The following PAX3 variants were observed in gnomAD, a reference collection of about 807,000 sequenced individuals.
PAX3 encodes paired box 3.
A neutral mutation model predicts 51.6 loss-of-function variants in PAX3; 14 were observed. The observed-to-expected ratio is 0.27, with a 90% confidence interval of 0.18 to 0.42. The LOEUF (loss-of-function observed/expected upper bound fraction) is 0.42. Among genes scored for constraint, PAX3 ranks in the 10% least tolerant of loss-of-function variants. The pLI is 1.00. For missense variants in PAX3, 540 were observed against 642.8 expected (o/e 0.84, Z 1.73); for synonymous variants, 280 against 253.4 (o/e 1.11, Z -1.00).
At chr2:222,223,834 T>G (rs1394809124) in intron 5 of PAX3, among the ~76,000 whole-genome samples, 1 of 152,164 alleles carries the variant, frequency 6.6e-6, no homozygotes, top group Non-Finnish European at 1.5e-5. Flanking sequence ...AAAGGTACGC[T>G]TCGGTTTTTG....
At chr2:222,274,934 G>T (rs1402544054) in intron 4 of PAX3, among the ~76,000 whole-genome samples, 2 of 152,138 alleles carry the variant, frequency 1.3e-5, no homozygotes, top group Non-Finnish European at 2.9e-5. Flanking sequence ...AGTCAGTTTT[G>T]TCTGTGGATA....
At chr2:222,232,026 G>C in intron 5 of PAX3, 52 bp downstream of exon 5, 6 of 1,534,120 alleles carry the variant, frequency 3.9e-6, no homozygotes, top group Non-Finnish European at 5.4e-6. Flanking sequence ...GAAGATGCTT[G>C]TTTGTTTCCT....
At chr2:222,294,053 C>T (rs1314114716) in intron 4 of PAX3, 114 bp downstream of exon 4, 11 of 1,574,840 alleles carry the variant, frequency 7.0e-6, no homozygotes, top group Non-Finnish European at 9.5e-6. Context: ...AGACACCGCG[C>T]ATGAAGGGAC....
At chr2:222,289,824 T>C (rs980508154) in intron 4 of PAX3, among the ~76,000 whole-genome samples, 2 of 152,174 alleles carry the variant, frequency 1.3e-5, no homozygotes, top group Non-Finnish European at 2.9e-5. Flanking sequence ...TTCTGATACT[T>C]CCAATATTTT....
Position 222,298,686 on chromosome 2 carries a change from G to C in PAX3, c.-71C>G. 1 of 1,419,370 alleles carries C rather than the reference G, an allele frequency of 7.0e-7. No individual in the cohort carries two copies. The highest frequency in any genetic ancestry group is 9.7e-7 in the Non-Finnish European group (1 of 1,027,816). 87.9% of individuals were successfully genotyped at this position (1,419,370 alleles called of 1,614,324 possible). A position where few individuals can be genotyped will look rare whatever the true frequency, so the allele number is the denominator to read the frequency against. Reference sequence around the variant, plus strand: ...ACGGAAAGGCGAGTGCGGCGCGGATGACCCTCGGGAACTATCCGGAGCGTG... The same window carrying C: ...ACGGAAAGGCGAGTGCGGCGCGGATCACCCTCGGGAACTATCCGGAGCGTG... On this transcript the variant is annotated 5_prime_UTR_variant, in exon 1 of 9. Transcript: ENST00000392070.
chr2:222,249,431 G>A (rs371681755), intron 4 of PAX3, among the ~76,000 whole-genome samples: 1 of 152,068 alleles, frequency 6.6e-6, no homozygotes, highest in South Asian at 2.1e-4. Flanking sequence ...CCTTAGGAAA[G>A]GTTTACTCTT....
intron 4 of PAX3, among the ~76,000 whole-genome samples, chr2:222,280,062 T>C (rs1694583125): frequency 6.6e-6 from 1 of 151,956 alleles, no homozygotes; most frequent in Admixed American, 6.6e-5. Context: ...AATACAAAAA[T>C]TAGCCAGACG....
chr2:222,236,600 G>A (rs948290077), intron 4 of PAX3, among the ~76,000 whole-genome samples: 4 of 152,086 alleles, frequency 2.6e-5, no homozygotes, highest in Non-Finnish European at 4.4e-5. Flanking sequence ...TTAATAGAAA[G>A]AAATTATATC....
At chr2:222,295,465 C>CGACGT (rs1366584526) in intron 3 of PAX3, 63 bp downstream of exon 3, 3 of 1,582,918 alleles carry the variant, frequency 1.9e-6, no homozygotes, top group Non-Finnish European at 2.6e-6. Context: ...ACGTCTGGGT[C>CGACGT]GACGTGCCGG....
intron 7 of PAX3, among the ~76,000 whole-genome samples, chr2:222,210,773 A>G (rs371695874): frequency 9.2e-5 from 14 of 152,264 alleles, no homozygotes; most frequent in African/African-American, 3.1e-4. Context: ...AAATACTCCA[A>G]TTTACCAACA....
chr2:222,211,828 T>C (rs558522286), intron 7 of PAX3, among the ~76,000 whole-genome samples: 1 of 152,194 alleles, frequency 6.6e-6, no homozygotes, highest in Non-Finnish European at 1.5e-5. Flanking sequence ...TAGGCTAATG[T>C]GCACTCGTAC....
At chr2:222,283,014 T>C (rs1470958839) in intron 4 of PAX3, among the ~76,000 whole-genome samples, 2 of 152,192 alleles carry the variant, frequency 1.3e-5, no homozygotes, top group African/African-American at 2.4e-5. Flanking sequence ...TCCCCACCAT[T>C]TGGTCTCAAT....
At chr2:222,237,523 C>T (rs898376690) in intron 4 of PAX3, among the ~76,000 whole-genome samples, 1 of 152,116 alleles carries the variant, frequency 6.6e-6, no homozygotes, top group Non-Finnish European at 1.5e-5. Context: ...TATTATACAC[C>T]AATCCAAACG....
intron 4 of PAX3, among the ~76,000 whole-genome samples, chr2:222,277,751 T>G (rs1254828970): frequency 6.6e-6 from 1 of 151,842 alleles, no homozygotes. Flanking sequence ...CTGGCCAACA[T>G]GGTGAAACCC....
intron 4 of PAX3, among the ~76,000 whole-genome samples, chr2:222,279,535 T>G (rs914196518): frequency 1.3e-5 from 2 of 152,222 alleles, no homozygotes; most frequent in Admixed American, 6.5e-5. Flanking sequence ...TTTTCAAGTA[T>G]GCCTGTGAAA....
chr2:222,229,290 T>C (rs1192079996), intron 5 of PAX3, among the ~76,000 whole-genome samples: 2 of 150,244 alleles, frequency 1.3e-5, no homozygotes, highest in African/African-American at 4.9e-5. Flanking sequence ...TATATAGTAT[T>C]ATATAATATT....
In PAX3 at chr2:222,298,359, C is replaced by T. The variant is rs1695418137; in HGVS notation, c.85+172G>A. 6.4e-6 allele frequency: 4 copies of T among 622,512 alleles called. No homozygotes were observed. In the South Asian group the frequency reaches 7.5e-5, roughly 12 times the overall value. The allele number at this position is 622,512 out of a possible 1,614,324, so 38.6% of individuals were successfully genotyped here. On this transcript the variant is annotated intron_variant, in intron 1 of 8. Coordinates refer to ENST00000392070, the MANE Select transcript of PAX3 (RefSeq NM_181458.4). The stretch of plus-strand genomic sequence containing the variant: ...TGCAGAGAGCAGCGCGCTCCATTTG[C>T]AGAAAGGAAATCGAGTAGGTCCTCG...
At chr2:222,261,210 G>A (rs1373266878) in intron 4 of PAX3, among the ~76,000 whole-genome samples, 1 of 152,138 alleles carries the variant, frequency 6.6e-6, no homozygotes, top group Non-Finnish European at 1.5e-5. Context: ...GGACTGCCAG[G>A]ATATCCACAG....
intron 4 of PAX3, among the ~76,000 whole-genome samples, chr2:222,253,160 T>C (rs546612776): frequency 1.4e-4 from 21 of 152,268 alleles, no homozygotes; most frequent in African/African-American, 4.8e-4. Context: ...GAGGATTCTG[T>C]TCTCAACACA....
Sources: allele counts gnomAD v4.1 joint callset (sites outside exome capture counted in the v4.1 genomes callset), GRCh38; gene constraint gnomAD v4.1.1; transcripts MANE v1.5; gene names NCBI Gene and HGNC (gene_info 2026-07-23, HGNC 2026-07-21).